Variants in NAP1L4 observed in about 807,000 individuals in gnomAD.
NAP1L4 encodes nucleosome assembly protein 1 like 4.
A neutral mutation model predicts 58.2 loss-of-function variants in NAP1L4; 15 were observed. The ratio of observed to expected loss-of-function variants is 0.26; its 90% CI spans 0.17 to 0.40. NAP1L4 has a LOEUF of 0.40. Ranked by LOEUF, NAP1L4 falls within the 10% of genes least tolerant of loss-of-function variation. The pLI is 1.00. For missense variants in NAP1L4, 384 were observed against 451.1 expected, an observed-to-expected ratio of 0.85 and a Z score of 1.35; for synonymous variants, 171 against 155.6, an observed-to-expected ratio of 1.10 and a Z score of -0.74.
rs1197280995 is a variant in NAP1L4, at chr11:2,955,230, G to A, written c.915+514C>T. 1.3e-5 allele frequency among the ~76,000 whole-genome samples: 2 copies of A among 151,976 alleles called. No homozygotes were observed. Among genetic ancestry groups the A allele is most frequent in the South Asian group, 4.2e-4 (2 of 4,818 alleles). On this transcript the variant is annotated intron_variant, in intron 11 of 15. Coordinates refer to ENST00000380542, the MANE Select transcript of NAP1L4 (RefSeq NM_005969.4). The surrounding 1 kb of genome is among the most constrained non-coding windows in gnomAD (Gnocchi z 4.2). ...ATTTTATCTTTTGAGACGGAGTCTT[G>A]CTCTGTCGCCCAATGGAATACGGTG...
At chr11:2,983,569 G>GT (rs1433355248) in intron 1 of NAP1L4, among the ~76,000 whole-genome samples, 13 of 145,526 alleles carry the variant, frequency 8.9e-5, no homozygotes, top group African/African-American at 3.4e-4. Flanking sequence ...AGGCAGTTAA[G>GT]TTAAACCCAA....
intron 8 of NAP1L4, chr11:2,960,116 C>A (rs1188295934): frequency 3.7e-6 from 2 of 537,782 alleles, no homozygotes; most frequent in Non-Finnish European, 6.6e-6. Context: ...CTGTTCAGTT[C>A]ATGAGTAAGG....
chr11:2,977,866 T>TAAAAA (rs34636304), intron 3 of NAP1L4, among the ~76,000 whole-genome samples: 1 of 138,376 alleles, frequency 7.2e-6, no homozygotes, highest in Non-Finnish European at 1.6e-5. Context: ...GGTATAGACT[T>TAAAAA]AAAAAAAAAA....
intron 1 of NAP1L4, among the ~76,000 whole-genome samples, chr11:2,986,849 G>T (rs893674505): frequency 6.6e-6 from 1 of 150,684 alleles, no homozygotes; most frequent in East Asian, 2.0e-4. Context: ...ACTTGGTCTC[G>T]AACTCCCAAC....
chr11:2,963,648 C>T, intron 8 of NAP1L4: 1 of 463,214 alleles, frequency 2.2e-6, no homozygotes, highest in Middle Eastern at 6.1e-4. Context: ...CCTAGTGGCC[C>T]TCATCCATTA....
intron 15 of NAP1L4, among the ~76,000 whole-genome samples, chr11:2,947,407 G>A (rs1402145279): frequency 6.6e-6 from 1 of 152,232 alleles, no homozygotes; most frequent in Non-Finnish European, 1.5e-5. Context: ...CTGGAGGGGA[G>A]TAGGCCATGC....
At chr11:2,962,532 A>G (rs1419340000) in intron 8 of NAP1L4, among the ~76,000 whole-genome samples, 1 of 152,246 alleles carries the variant, frequency 6.6e-6, no homozygotes, top group East Asian at 1.9e-4. Context: ...ACGCTTCATA[A>G]TAATTTTACA....
chr11:2,949,998 A>G lies in NAP1L4; in HGVS notation c.1123-734T>C, dbSNP rs766733080. ...GCCCACAAGGCGGAAACACAGCCCA[A>G]TAAACACACGTGGCCCTTGGGTCCA... On this transcript the variant is annotated intron_variant, in intron 14 of 15. Coordinates refer to ENST00000380542, the MANE Select transcript of NAP1L4 (RefSeq NM_005969.4). This position sits in a 1 kb window ranked among gnomAD's most constrained non-coding sequence, Gnocchi z 4.0. Among the ~76,000 whole-genome samples the G allele has an allele frequency of 2.0e-5, 3 of 152,254 alleles. No individual in the cohort carries two copies. Among genetic ancestry groups the G allele is most frequent in the Non-Finnish European group, 2.9e-5 (2 of 68,040 alleles).
Position 2,971,967 on chromosome 11 carries a change from G to C in NAP1L4, c.315+135C>G, listed in dbSNP as rs2301141. On this transcript the variant is annotated intron_variant, in intron 5 of 15. Transcript: ENST00000380542. This position sits in a 1 kb window ranked among gnomAD's most constrained non-coding sequence, Gnocchi z 4.2. The stretch of plus-strand genomic sequence containing the variant: ...TAGCGTTCTGAGCTTGTTTAAGGTA[G>C]TCTAGACTAAGCTATGTTTGGCAGG... 0.23 allele frequency: 203,879 copies of C among 889,024 alleles called. 25,248 individuals are homozygous for C. The highest frequency in any genetic ancestry group is 0.37 in the African/African-American group (21,132 of 57,874). 55.1% of individuals were successfully genotyped at this position (889,024 alleles called of 1,614,324 possible).
intron 2 of NAP1L4, 110 bp downstream of exon 2, chr11:2,979,097 G>A: frequency 9.0e-7 from 1 of 1,116,882 alleles, no homozygotes; most frequent in Admixed American, 2.0e-5. Context: ...CCATCAGCTA[G>A]ACGCTGAAAT....
At chr11:2,980,872 TAC>T (rs1365706698) in intron 1 of NAP1L4, among the ~76,000 whole-genome samples, 10 of 152,072 alleles carry the variant, frequency 6.6e-5, no homozygotes, top group African/African-American at 1.9e-4. Flanking sequence ...CAACAAATAT[TAC>T]ACATTGTCTT....
chr11:2,986,743 A>C (rs1295163354), intron 1 of NAP1L4, among the ~76,000 whole-genome samples: 2 of 150,192 alleles, frequency 1.3e-5, no homozygotes, highest in Non-Finnish European at 3.0e-5. Context: ...TCAGCCTCCC[A>C]AGTAGCTGGA....
chr11:2,952,117 A>G (rs1846259525), intron 12 of NAP1L4: 2 of 446,356 alleles, frequency 4.5e-6, no homozygotes, highest in South Asian at 3.8e-5. Flanking sequence ...CACACCGAGG[A>G]GCAGGCACAC....
At chr11:2,983,001 C>T (rs539325886) in intron 1 of NAP1L4, among the ~76,000 whole-genome samples, 1 of 152,176 alleles carries the variant, frequency 6.6e-6, no homozygotes, top group African/African-American at 2.4e-5. Flanking sequence ...GCCTGGGCAA[C>T]ACAGCAAGAC....
chr11:2,961,051 T>C (rs1846866386), intron 8 of NAP1L4, among the ~76,000 whole-genome samples: 3 of 152,124 alleles, frequency 2.0e-5, no homozygotes, highest in African/African-American at 4.8e-5. Flanking sequence ...CTGTATCACT[T>C]AGAGCCGCGT....
At chr11:2,968,493 G>A (rs761508826) in intron 7 of NAP1L4, among the ~76,000 whole-genome samples, 2 of 152,132 alleles carry the variant, frequency 1.3e-5, no homozygotes, top group Non-Finnish European at 2.9e-5. Flanking sequence ...TATTTTAGAT[G>A]CTTTCTGGTC....
chr11:2,981,047 T>TG (rs761136167), intron 1 of NAP1L4, among the ~76,000 whole-genome samples: 1 of 151,438 alleles, frequency 6.6e-6, no homozygotes, highest in Non-Finnish European at 1.5e-5. Context: ...CTGGGCAACA[T>TG]GGGGAAACCT....
chr11:2,959,792 G>T lies in NAP1L4; in HGVS notation c.724C>A (p.Pro242Thr). The change falls in exon 9 of 16, where the codon CCT becomes ACT. Residue 242 changes from proline to threonine, a missense_variant. Around this residue, in one of 3 missense-constraint regions of NAP1L4, gnomAD observed 296 missense variants for 360.8 expected, o/e 0.82. Coordinates refer to ENST00000380542, the MANE Select transcript of NAP1L4 (RefSeq NM_005969.4). The surrounding 1 kb of genome is among the most constrained non-coding windows in gnomAD (Gnocchi z 4.9). ...TACCCGTCACAGTCCACAATCTCAG[G>T]ACCTTCAAAGGAAAAGGGATCAGCC... is the stretch of plus-strand genomic sequence containing the variant. ...DKADPFSFEGPEIVDCDGCTI... is the reference protein window; with the variant it reads ...DKADPFSFEGTEIVDCDGCTI... The T allele has an allele frequency of 6.2e-7, 1 of 1,614,034 alleles. No individual in the cohort carries two copies. The highest frequency in any genetic ancestry group is 8.5e-7 in the Non-Finnish European group (1 of 1,180,020).
chr11:2,986,684 T>A (rs559276858), intron 1 of NAP1L4, among the ~76,000 whole-genome samples: 2 of 151,048 alleles, frequency 1.3e-5, no homozygotes, highest in East Asian at 3.9e-4. Flanking sequence ...TGGCGTGCAG[T>A]GGCGCGATCT....
Sources: allele counts gnomAD v4.1 joint callset (sites outside exome capture counted in the v4.1 genomes callset), GRCh38; gene constraint gnomAD v4.1.1; regional missense constraint gnomAD v4.1.1; non-coding constraint Gnocchi (gnomAD v3.1); transcripts MANE v1.5; gene names NCBI Gene and HGNC (gene_info 2026-07-23, HGNC 2026-07-21).